MIB1: variants seen among roughly 807,000 people sequenced by gnomAD.
MIB1 encodes the protein MIB E3 ubiquitin protein ligase 1.
MIB1 carries 278 observed loss-of-function variants against 124.5 expected under a neutral mutation model. The ratio of observed to expected loss-of-function variants is 2.23; its 90% confidence interval spans 2.02 to 2.47. MIB1 has a LOEUF of 2.47. Ranked by LOEUF, MIB1 falls within the 30% of genes most tolerant of loss-of-function variation. The pLI is 0.00. For synonymous variants in MIB1, 446 were observed against 429.4 expected, an observed-to-expected ratio of 1.04 and a Z score of -0.48; for missense variants, 957 against 1,254.4, an observed-to-expected ratio of 0.76 and a Z score of 3.58.
At chr18:21,837,369 A>G (rs2040228) in intron 12 of MIB1, among the ~76,000 whole-genome samples, 144,915 of 152,238 alleles carry the variant, frequency 0.95, 69,148 homozygotes, top group Middle Eastern at 0.99. Context: ...TTAGCCGGGC[A>G]TGGTGGCAGG....
Position 21,768,665 on chromosome 18 carries a change from CA to C in MIB1, c.445del (p.Arg149GlufsTer30). 6.2e-7 allele frequency: 1 copy of C among 1,600,476 alleles called. No homozygotes were observed. Among genetic ancestry groups the C allele is most frequent in the Non-Finnish European group, 8.5e-7 (1 of 1,172,672 alleles). Reference sequence around the variant, plus strand: ...GTAGGAAATCTAAGAAGATTACAGCCAGAGGAATCTTTGCAGGTGCCAGAGT... The same window carrying C: ...GTAGGAAATCTAAGAAGATTACAGCCGAGGAATCTTTGCAGGTGCCAGAGT... ...SRRKSKKITARGIFAGARVVR... is the reference protein window; with the variant it reads ...SRRKSKKITAXGIFAGARVVR... On this transcript the variant is annotated frameshift_variant, in exon 3 of 21. Coordinates refer to ENST00000261537, the MANE Select transcript of MIB1 (RefSeq NM_020774.4). LOFTEE classifies it high-confidence loss of function.
rs144491531 is a variant in MIB1, at chr18:21,745,675, A to AACACACACAC, written c.229+3889_229+3898dup. 9.4e-3 allele frequency among the ~76,000 whole-genome samples: 1,362 copies of AACACACACAC among 144,734 alleles called. 5 individuals are homozygous for AACACACACAC. The highest frequency in any genetic ancestry group is 0.016 in the East Asian group (80 of 4,962). The allele number at this position is 144,734 out of a possible 152,430, so 95.0% of individuals were successfully genotyped here. A position where few individuals can be genotyped will look rare whatever the true frequency, so the allele number is the denominator to read the frequency against. On this transcript the variant is annotated intron_variant, in intron 1 of 20. Transcript: ENST00000261537. ...CCCCATGGTGAGTGCATAGGTGTTA[A>AACACACACAC]ACACACACACACACACACACACACA...
intron 12 of MIB1, chr18:21,830,829 C>CA (rs1415580511): frequency 1.3e-5 from 2 of 151,288 alleles, no homozygotes; most frequent in Non-Finnish European, 2.9e-5. Flanking sequence ...AACGAGCAAA[C>CA]AAAAAACAAG....
chr18:21,726,297 A>G (rs189936721), intron 1 of MIB1, among the ~76,000 whole-genome samples: 36 of 152,240 alleles, frequency 2.4e-4, no homozygotes, highest in Admixed American at 2.4e-3. Flanking sequence ...TCACACCTGT[A>G]ATCTCAACGC....
At chr18:21,837,815 A>T (rs1020269124) in intron 12 of MIB1, among the ~76,000 whole-genome samples, 2 of 152,210 alleles carry the variant, frequency 1.3e-5, no homozygotes, top group Non-Finnish European at 2.9e-5. Context: ...GCAATTCATG[A>T]TAACCAGCTA....
At chr18:21,767,388 G>A (rs747117720) in intron 2 of MIB1, among the ~76,000 whole-genome samples, 4 of 152,064 alleles carry the variant, frequency 2.6e-5, no homozygotes, top group Non-Finnish European at 4.4e-5. Flanking sequence ...ACTATCAAGA[G>A]AACAGCATGG....
At chr18:21,734,259 A>C (rs1469987876) in intron 1 of MIB1, among the ~76,000 whole-genome samples, 1 of 151,806 alleles carries the variant, frequency 6.6e-6, no homozygotes, top group East Asian at 1.9e-4. Flanking sequence ...GGCGCCCGCC[A>C]CCACGCCCGG....
intron 11 of MIB1, among the ~76,000 whole-genome samples, chr18:21,818,461 C>T (rs2041850213): frequency 6.6e-6 from 1 of 152,066 alleles, no homozygotes; most frequent in Non-Finnish European, 1.5e-5. Context: ...TGGTTTTTGT[C>T]ATTAGTTATA....
Position 21,868,005 on chromosome 18 carries a change from A to T in MIB1, c.*3339A>T, listed in dbSNP as rs1358287027. On this transcript the variant is annotated 3_prime_UTR_variant, in exon 21 of 21. Transcript: ENST00000261537. Reference sequence around the variant, plus strand: ...GTCATCAAATTATAGGCTTTAATACAGGTTGCTTTTTTTAATCCAAAAGGA... The same window carrying T: ...GTCATCAAATTATAGGCTTTAATACTGGTTGCTTTTTTTAATCCAAAAGGA... The T allele has an allele frequency of 6.6e-6, 1 of 152,074 alleles. No homozygotes were observed. The allele number at this position is 152,074 out of a possible 1,614,324, so 9.4% of individuals were successfully genotyped here.
At chr18:21,765,470 G>A (rs887696534) in intron 1 of MIB1, among the ~76,000 whole-genome samples, 2 of 152,162 alleles carry the variant, frequency 1.3e-5, no homozygotes, top group African/African-American at 4.8e-5. Context: ...TAGTGATAAA[G>A]GATTCTTTCT....
upstream of MIB1, among the ~76,000 whole-genome samples, chr18:21,740,452 C>T (rs552444726): frequency 1.3e-5 from 2 of 152,314 alleles, no homozygotes; most frequent in African/African-American, 4.8e-5. Context: ...TACAGATCGC[C>T]CTGAATTTGT....
At chr18:21,864,263 AG>A (rs2042302507) in intron 20 of MIB1, among the ~76,000 whole-genome samples, 1 of 152,192 alleles carries the variant, frequency 6.6e-6, no homozygotes, top group Non-Finnish European at 1.5e-5. Flanking sequence ...GGTGTGAGCC[AG>A]GGTGTCTGGC....
At chr18:21,787,001 T>C (rs1351166506) in intron 6 of MIB1, among the ~76,000 whole-genome samples, 2 of 152,140 alleles carry the variant, frequency 1.3e-5, no homozygotes, top group Non-Finnish European at 2.9e-5. Context: ...CTTATATGGC[T>C]TCGTATTGAA....
intron 16 of MIB1, 47 bp downstream of exon 16, chr18:21,847,172 T>G: frequency 6.7e-7 from 1 of 1,499,314 alleles, no homozygotes; most frequent in Non-Finnish European, 9.1e-7. Flanking sequence ...GTACAGAAAA[T>G]ATCATGTGGT....
At chr18:21,830,959 T>A (rs988792608) in intron 12 of MIB1, among the ~76,000 whole-genome samples, 1 of 152,090 alleles carries the variant, frequency 6.6e-6, no homozygotes, top group Admixed American at 6.6e-5. Context: ...GAATGTCATA[T>A]AACAGTCTTG....
intron 6 of MIB1, among the ~76,000 whole-genome samples, chr18:21,781,405 ATATATAT>A (rs1568199082): frequency 2.5e-4 from 19 of 77,116 alleles, no homozygotes; most frequent in African/African-American, 1.0e-3. Context: ...ATATATATAT[ATATATAT>A]ATAAAATTAT....
intron 6 of MIB1, among the ~76,000 whole-genome samples, chr18:21,787,070 G>C (rs1004290802): frequency 2.6e-5 from 4 of 151,248 alleles, no homozygotes; most frequent in Admixed American, 2.6e-4. Flanking sequence ...TCTTTCTAGG[G>C]CATACTTGCT....
intron 6 of MIB1, among the ~76,000 whole-genome samples, chr18:21,783,922 T>C (rs1450941737): frequency 6.6e-6 from 1 of 152,110 alleles, no homozygotes; most frequent in Non-Finnish European, 1.5e-5. Flanking sequence ...AAAATTTTTT[T>C]TGTAGAGATG....
chr18:21,708,695 T>C (rs1313700478), intron 1 of MIB1, among the ~76,000 whole-genome samples: 2 of 152,102 alleles, frequency 1.3e-5, no homozygotes, highest in Non-Finnish European at 2.9e-5. Context: ...TCCCAATTTA[T>C]ACATGAGGAA....
Sources: gnomAD v4.1 joint callset for allele counts (sites outside exome capture counted in the v4.1 genomes callset) on GRCh38, gnomAD v4.1.1 for gene constraint, MANE v1.5 for transcripts, NCBI Gene and HGNC (gene_info 2026-07-23, HGNC 2026-07-21) for gene names.